TRDN: variants seen among roughly 807,000 people sequenced by gnomAD.
TRDN encodes the protein triadin, also known as triadin in skeletal muscle.
TRDN carries 161 observed loss-of-function variants against 149.7 expected under a neutral mutation model. The observed-to-expected ratio is 1.08, with a 90% confidence interval of 0.95 to 1.23. The LOEUF is 1.23. Ranked by LOEUF, TRDN falls within the 50% of genes most tolerant of loss-of-function variation. The pLI is 0.00. For synonymous variants in TRDN, 294 were observed against 250.5 expected, an observed-to-expected ratio of 1.17 and a Z score of -1.64; for missense variants, 896 against 823.5, an observed-to-expected ratio of 1.09 and a Z score of -1.08.
At chr6:123,585,737 T>A (rs1377585238) in intron 1 of TRDN, among the ~76,000 whole-genome samples, 1 of 152,050 alleles carries the variant, frequency 6.6e-6, no homozygotes, top group Non-Finnish European at 1.5e-5. Flanking sequence ...GGTGGCCAGA[T>A]TTCTGGCACT....
rs781233605 is a variant in TRDN at position 123,265,860 on chromosome 6, G to A, written c.1784-522C>T. ...GAATGGGTGGTAGGTAAAAAAAATC[G>A]TAAAGACATTCTATTTTTTTCCAAT... is the stretch of plus-strand genomic sequence containing the variant. On this transcript the variant is annotated intron_variant, in intron 32 of 40. Transcript: ENST00000334268. Among the ~76,000 whole-genome samples, 165 of 146,424 alleles carry A rather than the reference G, an allele frequency of 1.1e-3. 1 individual carries two copies. Among genetic ancestry groups the A allele is most frequent in the African/African-American group, 3.9e-3 (157 of 40,280 alleles).
Position 123,575,165 on chromosome 6 carries a change from G to A in TRDN, c.23-4033C>T, listed in dbSNP as rs1290511483. 2.6e-5 allele frequency among the ~76,000 whole-genome samples: 4 copies of A among 151,378 alleles called. No homozygotes were observed. In the South Asian group the frequency reaches 8.3e-4, roughly 32 times the overall value. Reference sequence around the variant, plus strand: ...ACTTAAGAATTAATCATGACTCAAAGATACTGAAAATATGTTCTGAGTATA... The same window carrying A: ...ACTTAAGAATTAATCATGACTCAAAAATACTGAAAATATGTTCTGAGTATA... On this transcript the variant is annotated intron_variant, in intron 1 of 40. Coordinates refer to ENST00000334268, the MANE Select transcript of TRDN (RefSeq NM_006073.4).
chr6:123,606,888 T>C (rs1254255552), intron 1 of TRDN, among the ~76,000 whole-genome samples: 1 of 152,200 alleles, frequency 6.6e-6, no homozygotes, highest in Non-Finnish European at 1.5e-5. Flanking sequence ...CTATATACAA[T>C]CATCTTTACC....
chr6:123,530,948 C>T (rs894800109), intron 4 of TRDN, among the ~76,000 whole-genome samples: 2 of 151,854 alleles, frequency 1.3e-5, no homozygotes, highest in African/African-American at 2.4e-5. Context: ...TTAGTTTTTA[C>T]ATATTAAATT....
chr6:123,484,873 G>A (rs1777910374), intron 9 of TRDN, among the ~76,000 whole-genome samples: 1 of 152,192 alleles, frequency 6.6e-6, no homozygotes, highest in African/African-American at 2.4e-5. Flanking sequence ...GGGCAAAGTA[G>A]TCTTATTCAC....
At chr6:123,465,071 T>G in intron 9 of TRDN, 88 bp from the exon 10 acceptor site, 1 of 1,365,448 alleles carries the variant, frequency 7.3e-7, no homozygotes, top group Non-Finnish European at 9.9e-7. Flanking sequence ...GTCCCCTACA[T>G]GCATAATTCA....
chr6:123,386,454 C>G (rs1781910628), intron 14 of TRDN, among the ~76,000 whole-genome samples: 1 of 152,184 alleles, frequency 6.6e-6, no homozygotes, highest in South Asian at 2.1e-4. Flanking sequence ...TATCAGATAA[C>G]AGCTCACCAT....
intron 7 of TRDN, among the ~76,000 whole-genome samples, chr6:123,508,086 T>C (rs1779013013): frequency 6.6e-6 from 1 of 152,124 alleles, no homozygotes; most frequent in South Asian, 2.1e-4. Flanking sequence ...TTCTGCAAAA[T>C]AAGTATGTAA....
intron 19 of TRDN, among the ~76,000 whole-genome samples, chr6:123,370,057 T>C (rs1781263382): frequency 6.6e-6 from 1 of 152,168 alleles, no homozygotes; most frequent in African/African-American, 2.4e-5. Context: ...GTGAAAGATA[T>C]CATATAAACA....
chr6:123,428,632 C>G (rs534798588), intron 12 of TRDN, among the ~76,000 whole-genome samples: 3 of 152,276 alleles, frequency 2.0e-5, no homozygotes, highest in Admixed American at 6.5e-5. Context: ...TGTATGTGTT[C>G]CAGTCTCTAT....
intron 7 of TRDN, among the ~76,000 whole-genome samples, chr6:123,505,303 G>C (rs889289690): frequency 2.7e-5 from 4 of 145,912 alleles, no homozygotes; most frequent in African/African-American, 5.1e-5. Flanking sequence ...CAAGTTTCTT[G>C]ACTTTGGTAC....
At chr6:123,332,027 A>G in intron 22 of TRDN, 98 bp from the exon 23 acceptor site, 1 of 881,230 alleles carries the variant, frequency 1.1e-6, no homozygotes, top group Non-Finnish European at 1.7e-6. Context: ...AGTAAGCTGA[A>G]AGTAAGTGGA....
At chr6:123,523,590 G>A (rs1779794623) in intron 5 of TRDN, among the ~76,000 whole-genome samples, 2 of 152,100 alleles carry the variant, frequency 1.3e-5, no homozygotes, top group Non-Finnish European at 2.9e-5. Context: ...CAGTTAAGAA[G>A]TGACTGTCAC....
intron 7 of TRDN, among the ~76,000 whole-genome samples, chr6:123,510,638 A>T (rs1415950035): frequency 9.1e-6 from 1 of 109,942 alleles, no homozygotes; most frequent in Admixed American, 1.2e-4. Context: ...TTTATGCATG[A>T]CCACTTTTTT....
At chr6:123,512,972 G>A (rs1214029286) in intron 6 of TRDN, among the ~76,000 whole-genome samples, 1 of 152,086 alleles carries the variant, frequency 6.6e-6, no homozygotes, top group African/African-American at 2.4e-5. Context: ...ATTAAGAAAT[G>A]CTTAAAATAT....
At chr6:123,340,474 C>CA (rs1562269035) in intron 21 of TRDN, among the ~76,000 whole-genome samples, 1 of 151,588 alleles carries the variant, frequency 6.6e-6, no homozygotes, top group African/African-American at 2.4e-5. Flanking sequence ...ATAGCTAGAA[C>CA]AAAAAAAGAA....
chr6:123,409,327 T>C (rs2114508250), intron 12 of TRDN, among the ~76,000 whole-genome samples: 1 of 152,298 alleles, frequency 6.6e-6, no homozygotes, highest in South Asian at 2.1e-4. Context: ...CAACACAGCT[T>C]TCACAGATTC....
chr6:123,374,712 G>A (rs1359275813), intron 19 of TRDN, among the ~76,000 whole-genome samples: 2 of 151,714 alleles, frequency 1.3e-5, no homozygotes, highest in Admixed American at 6.6e-5. Context: ...GGAGGCGGAG[G>A]TGCAGTGAGC....
chr6:123,276,207 CATATAG>C (rs1358000702), intron 26 of TRDN, among the ~76,000 whole-genome samples: 3 of 151,960 alleles, frequency 2.0e-5, no homozygotes, highest in Non-Finnish European at 1.5e-5. Context: ...ACATTCAAAT[CATATAG>C]ATATATATTA....
Sources: allele counts gnomAD v4.1 joint callset (sites outside exome capture counted in the v4.1 genomes callset), GRCh38; gene constraint gnomAD v4.1.1; transcripts MANE v1.5; gene names NCBI Gene and HGNC (gene_info 2026-07-23, HGNC 2026-07-21).